CPSF3: variants seen among roughly 807,000 people sequenced by gnomAD.
CPSF3 encodes the protein cleavage and polyadenylation specificity factor subunit 3.
A neutral mutation model predicts 84.1 loss-of-function variants in CPSF3; 57 were observed. The ratio of observed to expected loss-of-function variants is 0.68; its 90% CI spans 0.55 to 0.85. The LOEUF (loss-of-function observed/expected upper bound fraction) is 0.85, where lower values mean the gene tolerates loss of function less well. CPSF3 is among the 40% of genes least tolerant of loss of function. The pLI, the probability that CPSF3 is intolerant of heterozygous loss-of-function variation, is 0.00. For missense variants in CPSF3, 522 were observed against 838.8 expected (o/e 0.62, Z 4.66); for synonymous variants, 275 against 278.1 (o/e 0.99, Z 0.11).
intron 15 of CPSF3, among the ~76,000 whole-genome samples, chr2:9,466,334 GC>G (rs1558466462): frequency 7.4e-4 from 36 of 48,368 alleles, no homozygotes; most frequent in Middle Eastern, 0.022. Flanking sequence ...ACAGACGCAC[GC>G]ACACACGCGC....
chr2:9,423,988 G>C (rs1311930459), intron 1 of CPSF3, 165 bp downstream of exon 1: 1 of 1,425,618 alleles, frequency 7.0e-7, no homozygotes. Context: ...TTGGAGGACC[G>C]TTGATCGGAA....
intron 13 of CPSF3, 45 bp from the exon 14 acceptor site, chr2:9,456,888 T>C: frequency 8.5e-7 from 1 of 1,179,452 alleles, no homozygotes; most frequent in Non-Finnish European, 1.2e-6. Context: ...CTCTGGAAGA[T>C]TATCAGAAAA....
intron 7 of CPSF3, among the ~76,000 whole-genome samples, chr2:9,438,837 T>C (rs182372393): frequency 6.6e-6 from 1 of 152,368 alleles, no homozygotes; most frequent in East Asian, 1.9e-4. Flanking sequence ...GTTGCCCTTT[T>C]TCCTTCAATT....
Position 9,457,147 on chromosome 2 carries a change from A to ATGTGTGTG in CPSF3, c.1698+157_1698+164dup, listed in dbSNP as rs70948817. On this transcript the variant is annotated intron_variant, in intron 14 of 17. Transcript: ENST00000238112. Reference sequence around the variant, plus strand: ...GAAAAAGAATATTGTTGGAAAGTATATGTGTGTGTGTGTGTGTGTGTGTGT... The same window carrying ATGTGTGTG: ...GAAAAAGAATATTGTTGGAAAGTATATGTGTGTGTGTGTGTGTGTGTGTGTGTGTGTGT... The ATGTGTGTG allele has an allele frequency of 5.5e-3, 1,824 of 333,888 alleles. 11 individuals are homozygous for ATGTGTGTG. Among genetic ancestry groups the ATGTGTGTG allele is most frequent in the African/African-American group, 0.012 (513 of 44,564 alleles). 20.7% of individuals were successfully genotyped at this position (333,888 alleles called of 1,614,324 possible). A position where few individuals can be genotyped will look rare whatever the true frequency, so the allele number is the denominator to read the frequency against.
At chr2:9,445,047 C>G (rs556977234) in intron 10 of CPSF3, among the ~76,000 whole-genome samples, 1 of 152,262 alleles carries the variant, frequency 6.6e-6, no homozygotes, top group South Asian at 2.1e-4. Flanking sequence ...TTTAAGTGTA[C>G]AAACCAGTGG....
chr2:9,472,888 A>T (rs758193689), intron 17 of CPSF3, 28 bp from the exon 18 acceptor site: 1 of 1,354,160 alleles, frequency 7.4e-7, no homozygotes, highest in South Asian at 1.2e-5. Flanking sequence ...ACTTAATTCT[A>T]ACAGTCTTGT....
chr2:9,423,907 C>G, intron 1 of CPSF3, 84 bp downstream of exon 1: 1 of 1,556,994 alleles, frequency 6.4e-7, no homozygotes, highest in South Asian at 1.2e-5. Context: ...CTCCGTCGCC[C>G]GCGCTCCCAC....
chr2:9,426,240 A>T (rs1471737307), intron 1 of CPSF3, among the ~76,000 whole-genome samples: 5 of 152,230 alleles, frequency 3.3e-5, no homozygotes, highest in African/African-American at 1.2e-4. Context: ...AAGATAACTG[A>T]TGCTGGGTTG....
At chr2:9,439,040 C>T (rs1041957001) in intron 7 of CPSF3, among the ~76,000 whole-genome samples, 2 of 152,010 alleles carry the variant, frequency 1.3e-5, no homozygotes, top group Non-Finnish European at 1.5e-5. Flanking sequence ...GGATGTAGTC[C>T]GCTTTAGGGT....
chr2:9,458,752 G>T (rs556451504), intron 14 of CPSF3, among the ~76,000 whole-genome samples: 1 of 152,008 alleles, frequency 6.6e-6, no homozygotes, highest in South Asian at 2.1e-4. Context: ...GTCAGAGATT[G>T]TACCCTAGGA....
intron 13 of CPSF3, among the ~76,000 whole-genome samples, chr2:9,456,509 A>T (rs897554539): frequency 2.0e-5 from 3 of 152,220 alleles, no homozygotes; most frequent in Non-Finnish European, 2.9e-5. Context: ...GATTAAGAGG[A>T]TGCTAGAAAG....
At chr2:9,453,192 A>G (rs1681397207) in intron 12 of CPSF3, among the ~76,000 whole-genome samples, 171 bp downstream of exon 12, 1 of 152,228 alleles carries the variant, frequency 6.6e-6, no homozygotes, top group Admixed American at 6.5e-5. Context: ...CCTCCCATGA[A>G]CTACTGAAAG....
Position 9,429,963 on chromosome 2 carries a change from C to T in CPSF3, c.155C>T (p.Ala52Val), listed in dbSNP as rs927274780. 1.3e-6 allele frequency: 2 copies of T among 1,598,810 alleles called. No individual in the cohort carries two copies. Among genetic ancestry groups the T allele is most frequent in the South Asian group, 1.1e-5 (1 of 87,648 alleles). Reference sequence around the variant, plus strand: ...CACCCTGGCCTAGAAGGAATGGATGCTCTTCCTTATATTGATTTAATTGAC... The same window carrying T: ...CACCCTGGCCTAGAAGGAATGGATGTTCTTCCTTATATTGATTTAATTGAC... ...GIHPGLEGMD[A>V]LPYIDLIDPA... Residue 52 changes from alanine to valine, a missense_variant, in exon 3 of 18, where the codon GCT (alanine) becomes GTT (valine). By Grantham distance (64) the Ala-to-Val change is moderately conservative. Coordinates refer to ENST00000238112, the MANE Select transcript of CPSF3 (RefSeq NM_016207.4).
intron 11 of CPSF3, among the ~76,000 whole-genome samples, chr2:9,450,674 G>C (rs1681296871): frequency 6.6e-6 from 1 of 152,108 alleles, no homozygotes; most frequent in African/African-American, 2.4e-5. Context: ...TGCAGTCCCA[G>C]CCACTCGGGA....
At chr2:9,433,617 G>A (rs546956326) in intron 5 of CPSF3, among the ~76,000 whole-genome samples, 2 of 152,232 alleles carry the variant, frequency 1.3e-5, no homozygotes, top group African/African-American at 4.8e-5. Context: ...GTGGATTAAT[G>A]TTATATAGGT....
rs1469014317 is a variant in CPSF3, at chr2:9,424,337, CT to C, written c.50+515del. Reference sequence around the variant, plus strand: ...AGTTTCGATCTTCTCAGCTCAGGCCCTAGTAGAATAAGGAAGGTGTAAAGCT... The same window carrying C: ...AGTTTCGATCTTCTCAGCTCAGGCCCAGTAGAATAAGGAAGGTGTAAAGCT... On this transcript the variant is annotated intron_variant, in intron 1 of 17. Transcript: ENST00000238112. 7 of 828,496 alleles carry C rather than the reference CT, an allele frequency of 8.4e-6. No homozygotes were observed. In the African/African-American group the frequency reaches 1.3e-4, roughly 15 times the overall value. 51.3% of individuals were successfully genotyped at this position (828,496 alleles called of 1,614,324 possible).
chr2:9,469,254 G>A (rs1191801820), intron 16 of CPSF3, among the ~76,000 whole-genome samples: 1 of 152,160 alleles, frequency 6.6e-6, no homozygotes, highest in African/African-American at 2.4e-5. Flanking sequence ...AGGTAAGGCT[G>A]TGGGGCGGGG....
chr2:9,440,572 T>C lies in CPSF3; in HGVS notation c.842T>C (p.Val281Ala), dbSNP rs769888887. ...TCTTTGGCCAAGAAGTGTATGGCAG[T>C]GTACCAGACATATGTAAATGCCATG... The part of the protein sequence containing the change: ...ASSLAKKCMA[V>A]YQTYVNAMND... The change falls in exon 8 of 18, where the codon GTG (valine) becomes GCG (alanine). Residue 281 changes from valine to alanine, a missense_variant. Val to Ala is a moderately conservative substitution (Grantham distance 64, BLOSUM62 0). Around this residue, in one of 2 missense-constraint regions of CPSF3, gnomAD observed 329 missense variants for 607.2 expected, o/e 0.54. Transcript: ENST00000238112. 1.3e-5 allele frequency: 21 copies of C among 1,614,124 alleles called. No individual in the cohort carries two copies. The Admixed American group carries it at 3.5e-4, about 27-fold the overall frequency.
intron 15 of CPSF3, among the ~76,000 whole-genome samples, chr2:9,461,843 C>A (rs905319802): frequency 3.3e-5 from 5 of 149,788 alleles, no homozygotes; most frequent in African/African-American, 4.9e-5. Flanking sequence ...CTCACTGCAA[C>A]CTCTGCCTCC....
Sources: gnomAD v4.1 joint callset for allele counts (sites outside exome capture counted in the v4.1 genomes callset) on GRCh38, gnomAD v4.1.1 for gene constraint, gnomAD v4.1.1 regional missense constraint, MANE v1.5 for transcripts, NCBI Gene and HGNC (gene_info 2026-07-23, HGNC 2026-07-21) for gene names.